The following HSDL2 variants were observed in gnomAD, a reference collection of about 807,000 sequenced individuals.
HSDL2 encodes the protein hydroxysteroid dehydrogenase like 2, also known as hydroxysteroid dehydrogenase-like protein 2.
HSDL2 carries 27 observed loss-of-function variants against 46.3 expected under a neutral mutation model. That is an observed-to-expected ratio of 0.58 (90% confidence interval 0.43 to 0.80). The LOEUF (loss-of-function observed/expected upper bound fraction) is 0.80. Among genes scored for constraint, HSDL2 ranks in the 30% least tolerant of loss-of-function variants. The probability of loss-of-function intolerance (pLI) is 0.00; values close to 1 mark genes in which losing one functional copy is unlikely to be tolerated. For synonymous variants in HSDL2, 153 were observed against 163.6 expected, an observed-to-expected ratio of 0.94 and a Z score of 0.50; for missense variants, 451 against 502.7, an observed-to-expected ratio of 0.90 and a Z score of 0.98.
At chr9:112,425,451 G>A (rs1339515552) in intron 6 of HSDL2, among the ~76,000 whole-genome samples, 1 of 151,980 alleles carries the variant, frequency 6.6e-6, no homozygotes, top group African/African-American at 2.4e-5. Context: ...TTTTGTTAGG[G>A]CAAATAAACC....
intron 1 of HSDL2, 75 bp from the exon 2 acceptor site, chr9:112,403,920 A>C (rs1831663693): frequency 7.0e-7 from 1 of 1,429,982 alleles, no homozygotes. Flanking sequence ...TTATGAAAAT[A>C]TGCATGAGGT....
chr9:112,422,210 A>AAAAC lies in HSDL2; in HGVS notation c.598+3265_598+3268dup, dbSNP rs763641556. On this transcript the variant is annotated intron_variant, in intron 6 of 10. Coordinates refer to ENST00000398805, the MANE Select transcript of HSDL2 (RefSeq NM_032303.5). The stretch of plus-strand genomic sequence containing the variant: ...GGGCGACAGAGTGAGACTGTCTCAA[A>AAAAC]AAACAAACAAACAAACGAACTATAT... 6.6e-5 allele frequency among the ~76,000 whole-genome samples: 10 copies of AAAAC among 152,320 alleles called. No individual in the cohort carries two copies. In the South Asian group the frequency reaches 8.3e-4, roughly 13 times the overall value.
intron 6 of HSDL2, among the ~76,000 whole-genome samples, chr9:112,436,242 C>CAAAA (rs527930574): frequency 2.6e-5 from 2 of 77,660 alleles, no homozygotes; most frequent in African/African-American, 4.5e-5. Context: ...GACCCTATCT[C>CAAAA]AAAAAAAAAA....
intron 6 of HSDL2, among the ~76,000 whole-genome samples, chr9:112,430,596 G>A (rs1397504831): frequency 1.3e-5 from 2 of 152,164 alleles, no homozygotes; most frequent in African/African-American, 4.8e-5. Context: ...GGAGGCTATT[G>A]CAGGAACTGA....
chr9:112,382,908 T>G (rs1467868707), intron 1 of HSDL2, among the ~76,000 whole-genome samples: 1 of 151,972 alleles, frequency 6.6e-6, no homozygotes, highest in Non-Finnish European at 1.5e-5. Context: ...ATCAGTCTCT[T>G]AAGGCTTTTG....
rs191593681 is a variant in HSDL2 at position 112,460,604 on chromosome 9, T to G, written c.1144+1027T>G. Among the ~76,000 whole-genome samples the G allele has an allele frequency of 3.7e-4, 56 of 152,150 alleles. No homozygotes were observed. The East Asian group carries it at 0.01, about 27-fold the overall frequency. ...TCTCTACAGAAAATACAAAAATTGG[T>G]TGGGTGTGCTGGTGCGCACCTGTAG... On this transcript the variant is annotated intron_variant, in intron 10 of 10. Transcript: ENST00000398805.
Position 112,471,689 on chromosome 9 carries a change from G to C in HSDL2, c.*1145G>C, listed in dbSNP as rs1564140174. ...CCCCCCTAATAAATTAATTTAAAAAGCCCCCCAATCTGTGGTATTTTATTA... is the reference window on the plus strand; with the variant it reads ...CCCCCCTAATAAATTAATTTAAAAACCCCCCCAATCTGTGGTATTTTATTA... On this transcript the variant is annotated 3_prime_UTR_variant, in exon 11 of 11. Transcript: ENST00000398805. 3 of 152,070 alleles carry C rather than the reference G, an allele frequency of 2.0e-5. No homozygotes were observed. The highest frequency in any genetic ancestry group is 4.8e-5 in the African/African-American group (2 of 41,380). The allele number at this position is 152,070 out of a possible 1,614,324, so 9.4% of individuals were successfully genotyped here. A position where few individuals can be genotyped will look rare whatever the true frequency, so the allele number is the denominator to read the frequency against.
At chr9:112,444,178 T>C (rs1420236360) in intron 8 of HSDL2, among the ~76,000 whole-genome samples, 1 of 152,246 alleles carries the variant, frequency 6.6e-6, no homozygotes, top group Non-Finnish European at 1.5e-5. Flanking sequence ...CTCATATAGA[T>C]AGTAGCCTGG....
intron 3 of HSDL2, among the ~76,000 whole-genome samples, 176 bp downstream of exon 3, chr9:112,405,898 C>T (rs559155850): frequency 3.9e-5 from 6 of 152,240 alleles, no homozygotes; most frequent in African/African-American, 1.4e-4. Flanking sequence ...TGGTGGCTCA[C>T]ACCTGTAATC....
At chr9:112,389,419 A>C (rs1023939034) in intron 1 of HSDL2, among the ~76,000 whole-genome samples, 1 of 152,212 alleles carries the variant, frequency 6.6e-6, no homozygotes, top group Non-Finnish European at 1.5e-5. Flanking sequence ...ATTGGGGTAA[A>C]ATATTAACAA....
chr9:112,416,588 TA>T (rs35674008), intron 4 of HSDL2, among the ~76,000 whole-genome samples: 17,894 of 134,154 alleles, frequency 0.13, 1,466 homozygotes, highest in East Asian at 0.2. Context: ...ACCCTGTCTC[TA>T]AAAAAAAAAA....
intron 8 of HSDL2, among the ~76,000 whole-genome samples, chr9:112,450,260 C>CT (rs755898296): frequency 7.3e-5 from 1 of 13,634 alleles, no homozygotes; most frequent in Admixed American, 9.2e-4. Context: ...CGAGACCCCC[C>CT]CCCCATCTCT....
At chr9:112,405,582 TA>T in intron 2 of HSDL2, 41 bp from the exon 3 acceptor site, 1 of 1,373,646 alleles carries the variant, frequency 7.3e-7, no homozygotes. Flanking sequence ...GTATAATATT[TA>T]AATGCTTTAA....
chr9:112,399,785 C>T (rs1831547463), intron 1 of HSDL2, among the ~76,000 whole-genome samples: 3 of 152,160 alleles, frequency 2.0e-5, no homozygotes, highest in Admixed American at 6.5e-5. Flanking sequence ...GGCAGTCAGA[C>T]CTTATGGTTG....
intron 8 of HSDL2, among the ~76,000 whole-genome samples, chr9:112,451,793 A>C (rs1225297477): frequency 1.3e-5 from 2 of 152,282 alleles, no homozygotes; most frequent in African/African-American, 2.4e-5. Context: ...GCATATAAGA[A>C]TAGATACTGT....
chr9:112,396,677 G>A (rs1045334375), intron 1 of HSDL2, among the ~76,000 whole-genome samples: 11 of 152,102 alleles, frequency 7.2e-5, no homozygotes, highest in Non-Finnish European at 1.2e-4. Flanking sequence ...CAGGCCCACC[G>A]AACCTTGAGG....
intron 1 of HSDL2, among the ~76,000 whole-genome samples, chr9:112,383,102 C>T (rs2077300434): frequency 6.6e-6 from 1 of 151,768 alleles, no homozygotes; most frequent in Non-Finnish European, 1.5e-5. Flanking sequence ...GAGATGGAAT[C>T]TTGCTCTGTT....
Position 112,435,389 on chromosome 9 carries a change from G to A in HSDL2, c.599-3042G>A, listed in dbSNP as rs186717825. On this transcript the variant is annotated intron_variant, in intron 6 of 10. Coordinates refer to ENST00000398805, the MANE Select transcript of HSDL2 (RefSeq NM_032303.5). Reference sequence around the variant, plus strand: ...CTCAAAATAGATTATACTCAATTATGTACAGAAAAGTTCTGCAGTTTTCGG... The same window carrying A: ...CTCAAAATAGATTATACTCAATTATATACAGAAAAGTTCTGCAGTTTTCGG... Among the ~76,000 whole-genome samples, 278 of 152,246 alleles carry A rather than the reference G, an allele frequency of 1.8e-3. 2 individuals carry two copies. Among genetic ancestry groups the A allele is most frequent in the Middle Eastern group, 3.4e-3 (1 of 294 alleles).
chr9:112,421,314 CAG>C (rs767013495), intron 6 of HSDL2, among the ~76,000 whole-genome samples: 2 of 152,026 alleles, frequency 1.3e-5, no homozygotes, highest in Non-Finnish European at 2.9e-5. Context: ...TGAGACAGGA[CAG>C]AGTGAGATCC....
Sources: gnomAD v4.1 joint callset for allele counts (sites outside exome capture counted in the v4.1 genomes callset) on GRCh38, gnomAD v4.1.1 for gene constraint, MANE v1.5 for transcripts, NCBI Gene and HGNC (gene_info 2026-07-23, HGNC 2026-07-21) for gene names.